ASIC2: variants seen among roughly 807,000 people sequenced by gnomAD.
ASIC2 encodes the protein acid sensing ion channel subunit 2, also known as acid-sensing ion channel 2.
Under a neutral mutation model 57.3 loss-of-function variants are expected in ASIC2, and 25 were observed. The ratio of observed to expected loss-of-function variants is 0.44; its 90% confidence interval spans 0.32 to 0.61. The LOEUF (loss-of-function observed/expected upper bound fraction) is 0.61, where lower values mean the gene tolerates loss of function less well. Among genes scored for constraint, ASIC2 ranks in the 20% least tolerant of loss-of-function variants. The pLI is 0.06. For missense variants in ASIC2, 641 were observed against 738.1 expected (o/e 0.87, Z 1.52); for synonymous variants, 319 against 307.5 (o/e 1.04, Z -0.39).
chr17:33,347,132 G>A (rs570657025), intron 1 of ASIC2, among the ~76,000 whole-genome samples: 1 of 152,262 alleles, frequency 6.6e-6, no homozygotes, highest in Admixed American at 6.5e-5. Flanking sequence ...AAGCTCTTGG[G>A]AAGGAAAGAT....
At chr17:33,641,843 A>T (rs2142033866) in intron 1 of ASIC2, among the ~76,000 whole-genome samples, 1 of 152,336 alleles carries the variant, frequency 6.6e-6, no homozygotes, top group East Asian at 1.9e-4. Context: ...AAAGAAATAG[A>T]ATAAGTCTCA....
At chr17:33,930,335 A>T (rs1250716004) in intron 1 of ASIC2, among the ~76,000 whole-genome samples, 1 of 152,226 alleles carries the variant, frequency 6.6e-6, no homozygotes, top group Non-Finnish European at 1.5e-5. Context: ...GTCACTGTCT[A>T]TGTCAAGCTT....
At chr17:33,933,852 A>C (rs1915999181) in intron 1 of ASIC2, among the ~76,000 whole-genome samples, 1 of 152,228 alleles carries the variant, frequency 6.6e-6, no homozygotes, top group Non-Finnish European at 1.5e-5. Flanking sequence ...TTCCAGATGC[A>C]CGAAACAGGC....
At chr17:33,950,330 C>T (rs909594218) in intron 1 of ASIC2, among the ~76,000 whole-genome samples, 2 of 152,216 alleles carry the variant, frequency 1.3e-5, no homozygotes, top group African/African-American at 4.8e-5. Context: ...ACAGGAGGAC[C>T]AGGCCTCTTC....
chr17:33,727,001 T>C (rs1025863465), intron 1 of ASIC2, among the ~76,000 whole-genome samples: 1 of 152,184 alleles, frequency 6.6e-6, no homozygotes. Flanking sequence ...AATCATAACA[T>C]GCAAATTTAT....
chr17:34,110,704 G>A (rs1911239640), intron 1 of ASIC2, among the ~76,000 whole-genome samples: 1 of 152,192 alleles, frequency 6.6e-6, no homozygotes, highest in African/African-American at 2.4e-5. Flanking sequence ...CCATGCTGAG[G>A]TCAGATAGTG....
At chr17:33,109,592 A>G (rs111543466) in intron 2 of ASIC2, among the ~76,000 whole-genome samples, 25 of 152,252 alleles carry the variant, frequency 1.6e-4, no homozygotes, top group African/African-American at 5.8e-4. Flanking sequence ...CACATCTGGC[A>G]CCCCGAGTGA....
At chr17:33,684,699 C>G (rs1316759678) in intron 1 of ASIC2, among the ~76,000 whole-genome samples, 1 of 151,648 alleles carries the variant, frequency 6.6e-6, no homozygotes, top group Admixed American at 6.6e-5. Context: ...CTGGCTTTGA[C>G]AGAAAGTAGC....
intron 1 of ASIC2, among the ~76,000 whole-genome samples, chr17:34,065,310 T>G (rs921118311): frequency 1.3e-5 from 2 of 152,114 alleles, no homozygotes; most frequent in Admixed American, 6.6e-5. Context: ...CTCACTGATA[T>G]GTAGGAGCTA....
chr17:33,309,734 T>C (rs992806315), intron 1 of ASIC2, among the ~76,000 whole-genome samples: 5 of 151,998 alleles, frequency 3.3e-5, no homozygotes, highest in Admixed American at 2.6e-4. Context: ...ACTTCTATTG[T>C]GGTACACATC....
At chr17:34,037,758 C>G in intron 1 of ASIC2, 1 of 1,614,144 alleles carries the variant, frequency 6.2e-7, no homozygotes, top group Non-Finnish European at 8.5e-7. Flanking sequence ...TCAATGCGGT[C>G]CTCCTTTCGG....
chr17:33,821,827 T>A (rs1211697286), intron 1 of ASIC2, among the ~76,000 whole-genome samples: 2 of 152,164 alleles, frequency 1.3e-5, no homozygotes, highest in Non-Finnish European at 2.9e-5. Context: ...GAAAGATCCT[T>A]AGAGGTCACT....
chr17:33,145,341 G>T (rs570719790), intron 1 of ASIC2, among the ~76,000 whole-genome samples: 1 of 152,152 alleles, frequency 6.6e-6, no homozygotes, highest in East Asian at 1.9e-4. Flanking sequence ...CATGCACCTC[G>T]TCCTCTGGGC....
At chr17:33,616,950 C>T (rs968259388) in intron 1 of ASIC2, among the ~76,000 whole-genome samples, 8 of 152,188 alleles carry the variant, frequency 5.3e-5, no homozygotes, top group African/African-American at 1.4e-4. Flanking sequence ...TGAAAAACAA[C>T]GATGCCTCTC....
intron 1 of ASIC2, among the ~76,000 whole-genome samples, chr17:33,145,597 T>A (rs1396723385): frequency 6.6e-6 from 1 of 152,220 alleles, no homozygotes; most frequent in African/African-American, 2.4e-5. Flanking sequence ...AGCCTTTGTT[T>A]CAAATTCCTT....
intron 6 of ASIC2, among the ~76,000 whole-genome samples, chr17:33,023,471 C>T (rs1309003095): frequency 1.3e-5 from 2 of 148,214 alleles, no homozygotes; most frequent in African/African-American, 5.0e-5. Context: ...GCCTGGGCAA[C>T]AGGGCGAGGC....
intron 1 of ASIC2, among the ~76,000 whole-genome samples, chr17:33,591,577 AGG>A (rs1459611890): frequency 3.3e-5 from 5 of 152,146 alleles, no homozygotes; most frequent in Non-Finnish European, 5.9e-5. Flanking sequence ...CCCAGCTGCT[AGG>A]GGTAGTGGGT....
At chr17:33,990,480 T>A (rs965448321) in intron 1 of ASIC2, among the ~76,000 whole-genome samples, 16 of 152,174 alleles carry the variant, frequency 1.1e-4, no homozygotes, top group African/African-American at 4.8e-5. Context: ...ATAAGCACAG[T>A]TGAGATCAAT....
intron 1 of ASIC2, among the ~76,000 whole-genome samples, chr17:33,228,819 G>A (rs1013039648): frequency 1.3e-5 from 2 of 152,190 alleles, no homozygotes; most frequent in African/African-American, 2.4e-5. Flanking sequence ...CCCCACCCAG[G>A]CTCGTGCCTC....
Sources: allele counts gnomAD v4.1 joint callset (sites outside exome capture counted in the v4.1 genomes callset), GRCh38; gene constraint gnomAD v4.1.1; transcripts MANE v1.5; gene names NCBI Gene and HGNC (gene_info 2026-07-23, HGNC 2026-07-21).